Variants in TEX101 observed in about 807,000 individuals in gnomAD.
TEX101 encodes the protein testis-expressed protein 101.
In TEX101, 10 loss-of-function variants were observed where a neutral mutation model predicts 18.1. That is an observed-to-expected ratio of 0.55 (90% CI 0.34 to 0.94). TEX101 has a LOEUF of 0.94. TEX101 is among the 40% of genes least tolerant of loss of function. The pLI is 0.02. For missense variants in TEX101, 259 were observed against 298.9 expected (o/e 0.87, Z 0.98); for synonymous variants, 94 against 114.8 (o/e 0.82, Z 1.16).
the TEX101 span, among the ~76,000 whole-genome samples, chr19:43,395,817 G>A: frequency 4.6e-5 from 7 of 152,218 alleles, no homozygotes; most frequent in Non-Finnish European, 8.8e-5. Context: ...CGTGGCTCAG[G>A]TCCAGGTGTT....
chr19:43,403,551 TGTGC>T (rs1970335791), intron 2 of TEX101, among the ~76,000 whole-genome samples: 1 of 152,150 alleles, frequency 6.6e-6, no homozygotes, highest in Non-Finnish European at 1.5e-5. Context: ...ACCTGCACGT[TGTGC>T]ACATGTACCC....
chr19:43,404,463 T>C (rs11083708), intron 2 of TEX101, among the ~76,000 whole-genome samples: 49,412 of 152,026 alleles, frequency 0.33, 8,656 homozygotes, highest in East Asian at 0.72. Flanking sequence ...AGGGATAGCA[T>C]TTTAATATAT....
At chr19:43,395,003 TG>T in the TEX101 span, among the ~76,000 whole-genome samples, 1 of 152,188 alleles carries the variant, frequency 6.6e-6, no homozygotes, top group Non-Finnish European at 1.5e-5. Flanking sequence ...TTTACATGCA[TG>T]GGAGTTCACA....
chr19:43,417,942 T>G lies in TEX101; in HGVS notation c.456T>G (p.Ala152=). Residue 152 remains alanine, a synonymous_variant, in exon 5 of 6, where the codon GCT becomes GCG. Coordinates refer to ENST00000598265, the MANE Select transcript of TEX101 (RefSeq NM_001130011.3). ...TCVALGTCFS[A]PSLPCPNGTT... is the part of the protein sequence containing the mutation. ...TGGCTTTGGGGACCTGTTTCAGTGC[T>G]CCTTCTCTTCCCTGTCCCAATGGTA... is the stretch of plus-strand genomic sequence containing the variant. The G allele has an allele frequency of 6.2e-7, 1 of 1,614,188 alleles. No individual in the cohort carries two copies. Among genetic ancestry groups the G allele is most frequent in the South Asian group, 1.1e-5 (1 of 91,090 alleles).
chr19:43,406,425 C>A, exon 3 of TEX101: 1 of 748,156 alleles, frequency 1.3e-6, no homozygotes, highest in East Asian at 2.5e-5. Context: ...GAGAAGAACC[C>A]TCTGAGCCTG....
At position 43,415,918 on chromosome 19, in the gene TEX101, C is replaced by A. The variant is rs1309653525; in HGVS notation, c.-2C>A. The A allele has an allele frequency of 6.2e-7, 1 of 1,614,144 alleles. No individual in the cohort carries two copies. Among genetic ancestry groups the A allele is most frequent in the Non-Finnish European group, 8.5e-7 (1 of 1,180,034 alleles). On this transcript the variant is annotated 5_prime_UTR_variant, in exon 2 of 6. Transcript: ENST00000598265. ...TCCTCCCAGACCTCTCCAGAAGAAG[C>A]CATGGGAACCCCTCGTATCCAGCAT...
At chr19:43,393,906 T>C in the TEX101 span, among the ~76,000 whole-genome samples, 1 of 151,972 alleles carries the variant, frequency 6.6e-6, no homozygotes, top group African/African-American at 2.4e-5. Context: ...GTAACCGTGT[T>C]TCCAGCCACT....
intron 2 of TEX101, among the ~76,000 whole-genome samples, chr19:43,403,869 C>G (rs368009514): frequency 6.6e-6 from 1 of 151,850 alleles, no homozygotes; most frequent in African/African-American, 2.4e-5. Flanking sequence ...GAAACCCTGT[C>G]TCTACTAAAA....
chr19:43,390,073 C>T, the TEX101 span, among the ~76,000 whole-genome samples: 15 of 152,282 alleles, frequency 9.9e-5, no homozygotes, highest in East Asian at 1.4e-3. Context: ...AGAGAGGCCT[C>T]GAAGGTTGGG....
chr19:43,408,167 G>A (rs916605342), intron 3 of TEX101, among the ~76,000 whole-genome samples: 1 of 152,274 alleles, frequency 6.6e-6, no homozygotes, highest in Non-Finnish European at 1.5e-5. Context: ...CTCAGGAGGC[G>A]CCCGCCCCGC....
At chr19:43,406,535 G>A (rs771593058) in intron 3 of TEX101, 7 of 694,890 alleles carry the variant, frequency 1.0e-5, no homozygotes, top group African/African-American at 9.2e-5. Context: ...TGGGCCTTGC[G>A]GGCTGTGGGT....
chr19:43,415,833 T>C (rs1430121375), intron 1 of TEX101, 48 bp from the exon 2 acceptor site: 8 of 1,541,570 alleles, frequency 5.2e-6, no homozygotes, highest in Non-Finnish European at 7.2e-6. Flanking sequence ...TTTGATCTCA[T>C]GCACTCTGGC....
the TEX101 span, among the ~76,000 whole-genome samples, chr19:43,389,140 G>A: frequency 1.3e-5 from 2 of 152,156 alleles, no homozygotes; most frequent in African/African-American, 4.8e-5. Context: ...ACTTCCCGCC[G>A]GGAACTCTCC....
At position 43,418,174 on chromosome 19, in the gene TEX101, T is replaced by C. The variant is rs142971780; in HGVS notation, c.527T>C (p.Ile176Thr). The C allele has an allele frequency of 2.3e-4, 366 of 1,614,178 alleles. No homozygotes were observed. In the African/African-American group the frequency reaches 4.1e-3, roughly 18 times the overall value. The change falls in exon 6 of 6, where the codon ATT (isoleucine) becomes ACT (threonine). Residue 176 changes from isoleucine (I) to threonine (T), a missense_variant. Ile to Thr is a moderately conservative substitution (Grantham distance 89). Transcript: ENST00000598265. ...ATCCTTCCTTGTTCTATAGGTGGCA[T>C]TGAGTCGTCTGTGGAGGTCAAAGGC... ...QGKLEITGGG[I>T]ESSVEVKGCT... is the part of the protein sequence containing the mutation.
At chr19:43,411,036 C>T (rs112212636), upstream of TEX101, among the ~76,000 whole-genome samples, 116 of 152,134 alleles carry the variant, frequency 7.6e-4, no homozygotes, top group African/African-American at 2.5e-3. Context: ...GCCATGGCAC[C>T]CAGCCTAGAA....
rs1216530790 is a variant in TEX101 at position 43,408,256 on chromosome 19, C to T, written c.15+1737C>T. ...CGGTGAGGGCCGCCCCCGCAGCGTCCTGTTTGGGAGCCAGGTCTTCTCCTC... is the reference window on the plus strand; with the variant it reads ...CGGTGAGGGCCGCCCCCGCAGCGTCTTGTTTGGGAGCCAGGTCTTCTCCTC... On this transcript the variant is annotated intron_variant, in intron 3 of 7. Transcript: ENST00000602198. Among the ~76,000 whole-genome samples the T allele has an allele frequency of 2.6e-5, 4 of 152,186 alleles. No individual in the cohort carries two copies. The East Asian group carries it at 5.8e-4, about 22-fold the overall frequency.
exon 3 of TEX101, chr19:43,406,273 G>A (rs1444650607): frequency 1.9e-6 from 1 of 513,970 alleles, no homozygotes. Flanking sequence ...ATCAAGGGCA[G>A]GAGCAACCGT....
chr19:43,418,294 A>G lies in TEX101; in HGVS notation c.647A>G (p.Gln216Arg), dbSNP rs1253206591. The change falls in exon 6 of 6, where the codon CAA (glutamine) becomes CGA (arginine). Residue 216 changes from glutamine to arginine, a missense_variant. Physicochemically the swap from Gln to Arg is conservative, Grantham distance 43. Transcript: ENST00000598265. ...REACPHQLLT[Q>R]PRKTENGATC... is the part of the protein sequence containing the mutation. ...GCGTGCCCACATCAGCTGCTCACTCAACCTCGAAAGACTGAAAATGGGGCC... is the reference window on the plus strand; with the variant it reads ...GCGTGCCCACATCAGCTGCTCACTCGACCTCGAAAGACTGAAAATGGGGCC... The G allele has an allele frequency of 4.3e-6, 7 of 1,614,196 alleles. No individual in the cohort carries two copies.
exon 3 of TEX101, chr19:43,406,293 A>G: frequency 3.7e-6 from 2 of 535,350 alleles, no homozygotes; most frequent in South Asian, 4.7e-5. Flanking sequence ...TGACCCTCTT[A>G]AAAGAGCCAA....
Sources: gnomAD v4.1 joint callset for allele counts (sites outside exome capture counted in the v4.1 genomes callset) on GRCh38, gnomAD v4.1.1 for gene constraint, MANE v1.5 for transcripts, NCBI Gene and HGNC (gene_info 2026-07-23, HGNC 2026-07-21) for gene names.